The following SRD5A2 variants were observed in gnomAD, a reference collection of about 807,000 sequenced individuals.
The protein encoded by SRD5A2 is 3-oxo-5-alpha-steroid 4-dehydrogenase 2.
Under a neutral mutation model 27.4 loss-of-function variants are expected in SRD5A2, and 30 were observed. The observed-to-expected ratio is 1.10, with a 90% confidence interval of 0.82 to 1.49. The LOEUF is 1.49. Among genes scored for constraint, SRD5A2 ranks in the 40% most tolerant of loss-of-function variants. The pLI, the probability that SRD5A2 is intolerant of heterozygous loss-of-function variation, is 0.00. For synonymous variants in SRD5A2, 141 were observed against 133.6 expected (o/e 1.06, Z -0.38); for missense variants, 348 against 323.4 (o/e 1.08, Z -0.58).
At chr2:31,634,636 T>A in the SRD5A2 span, among the ~76,000 whole-genome samples, 2 of 152,270 alleles carry the variant, frequency 1.3e-5, no homozygotes, top group South Asian at 2.1e-4. Flanking sequence ...GGGTACAGTT[T>A]AGTGGTAATA....
At chr2:31,633,359 T>C in the SRD5A2 span, among the ~76,000 whole-genome samples, 1 of 152,182 alleles carries the variant, frequency 6.6e-6, no homozygotes, top group East Asian at 1.9e-4. Flanking sequence ...CAAATTATTA[T>C]TTACTGGACC....
chr2:31,546,340 C>T (rs1666255067), intron 1 of SRD5A2, among the ~76,000 whole-genome samples: 1 of 152,118 alleles, frequency 6.6e-6, no homozygotes, highest in Non-Finnish European at 1.5e-5. Flanking sequence ...CAATATAGTA[C>T]TGGCATATAG....
At chr2:31,592,696 A>G in the SRD5A2 span, among the ~76,000 whole-genome samples, 1 of 152,200 alleles carries the variant, frequency 6.6e-6, no homozygotes, top group Admixed American at 6.5e-5. Context: ...AAATAATCTG[A>G]ACAGCAGGCC....
At chr2:31,568,417 G>C (rs1666780852) in intron 1 of SRD5A2, among the ~76,000 whole-genome samples, 1 of 152,214 alleles carries the variant, frequency 6.6e-6, no homozygotes, top group South Asian at 2.1e-4. Context: ...GAGTGACAGA[G>C]AGGCTCTCGG....
chr2:31,526,264 T>G lies in SRD5A2; in HGVS notation c.699-2A>C. On this transcript the variant is annotated splice_acceptor_variant, in intron 4 of 4. Coordinates refer to ENST00000622030, the MANE Select transcript of SRD5A2 (RefSeq NM_000348.4). LOFTEE classifies it high-confidence loss of function. ...TCCTCAAACATCTTGAGGTAGAACC[T>G]AAAAGACAAGAAAGGAATAATTGTA... 1 of 1,567,748 alleles carries G rather than the reference T, an allele frequency of 6.4e-7. No homozygotes were observed. Among genetic ancestry groups the G allele is most frequent in the Non-Finnish European group, 8.7e-7 (1 of 1,150,564 alleles).
chr2:31,557,210 A>G (rs2268796), intron 1 of SRD5A2, among the ~76,000 whole-genome samples: 78,269 of 152,064 alleles, frequency 0.51, 20,764 homozygotes, highest in Non-Finnish European at 0.58. Flanking sequence ...TAGAAATATT[A>G]AAGGGGAGGA....
In SRD5A2 at chr2:31,531,320, T is replaced by C. The variant is rs931775720; in HGVS notation, c.547+51A>G. 15 of 1,354,476 alleles carry C rather than the reference T, an allele frequency of 1.1e-5. No homozygotes were observed. In the East Asian group the frequency reaches 2.7e-4, roughly 25 times the overall value. The allele number at this position is 1,354,476 out of a possible 1,614,324, so 83.9% of individuals were successfully genotyped here. ...CCATCTGCTACCATAGCATCATCCC[T>C]GGGACAGGCTCCAGGGAAGAGTGAG... On this transcript the variant is annotated intron_variant, in intron 3 of 4. Coordinates refer to ENST00000622030, the MANE Select transcript of SRD5A2 (RefSeq NM_000348.4).
chr2:31,529,612 G>C (rs987107077), intron 3 of SRD5A2, among the ~76,000 whole-genome samples, 155 bp from the exon 4 acceptor site: 4 of 152,150 alleles, frequency 2.6e-5, no homozygotes, highest in African/African-American at 9.7e-5. Flanking sequence ...AATCCTCTTG[G>C]GGAGAAGGGG....
At position 31,526,198 on chromosome 2, in the gene SRD5A2, A is replaced by G. The variant is rs1247742181; in HGVS notation, c.763T>C (p.Ter255GlnextTer28). The change falls in exon 5 of 5, where the codon TAA becomes CAA. Residue 255 changes from the stop codon to glutamine (Q), a stop_lost. Coordinates refer to ENST00000622030, the MANE Select transcript of SRD5A2 (RefSeq NM_000348.4). ...TGCTCCTTTTTAATTTGGTTCCTTT[A>G]AAAGATGAATGGAATAAGGGCTTTC... ...SRKALIPFIF[*>Q] The G allele has an allele frequency of 3.8e-6, 6 of 1,578,022 alleles. No homozygotes were observed. Among genetic ancestry groups the G allele is most frequent in the Non-Finnish European group, 5.2e-6 (6 of 1,158,866 alleles).
chr2:31,625,492 AGG>A, the SRD5A2 span, among the ~76,000 whole-genome samples: 1 of 152,142 alleles, frequency 6.6e-6, no homozygotes, highest in South Asian at 2.1e-4. Context: ...TTATGGTTTT[AGG>A]TCTAACATTT....
chr2:31,570,510 T>C (rs1346821289), intron 1 of SRD5A2, among the ~76,000 whole-genome samples: 1 of 152,122 alleles, frequency 6.6e-6, no homozygotes, highest in Non-Finnish European at 1.5e-5. Context: ...AACATAGTAC[T>C]GGAAATCCTG....
intron 1 of SRD5A2, among the ~76,000 whole-genome samples, chr2:31,545,292 G>A (rs1666220813): frequency 6.6e-6 from 1 of 151,942 alleles, no homozygotes; most frequent in African/African-American, 2.4e-5. Context: ...AAATTATAGA[G>A]CAGTATTTTT....
the SRD5A2 span, among the ~76,000 whole-genome samples, chr2:31,634,318 A>G: frequency 6.6e-6 from 1 of 152,192 alleles, no homozygotes; most frequent in Non-Finnish European, 1.5e-5. Flanking sequence ...AAAGAAAGAA[A>G]AAAGGTTTAA....
chr2:31,525,759 C>T lies in SRD5A2; in HGVS notation c.*437G>A. On this transcript the variant is annotated 3_prime_UTR_variant, in exon 5 of 5. Transcript: ENST00000622030. Reference sequence around the variant, plus strand: ...CTTTGTGGCTTCAGAGTTTAAATTTCTGCTACTCTGTTACATGTATAAAAT... The same window carrying T: ...CTTTGTGGCTTCAGAGTTTAAATTTTTGCTACTCTGTTACATGTATAAAAT... 8.7e-6 allele frequency: 2 copies of T among 228,908 alleles called. No individual in the cohort carries two copies. The highest frequency in any genetic ancestry group is 1.7e-5 in the Non-Finnish European group (2 of 115,556). 14.2% of individuals were successfully genotyped at this position (228,908 alleles called of 1,614,324 possible).
At chr2:31,583,680 A>G (rs1334217298), upstream of SRD5A2, among the ~76,000 whole-genome samples, 1 of 145,524 alleles carries the variant, frequency 6.9e-6, no homozygotes, top group East Asian at 2.0e-4. Flanking sequence ...AAAAAACACC[A>G]CTACCCTGAC....
chr2:31,601,012 G>T, the SRD5A2 span, among the ~76,000 whole-genome samples: 1 of 151,726 alleles, frequency 6.6e-6, no homozygotes, highest in Non-Finnish European at 1.5e-5. Flanking sequence ...ACAACTAAAA[G>T]AACTAGAGAA....
the SRD5A2 span, among the ~76,000 whole-genome samples, chr2:31,611,086 G>A: frequency 6.6e-6 from 1 of 152,048 alleles, no homozygotes; most frequent in African/African-American, 2.4e-5. Context: ...TCTAGCCTAG[G>A]TGACAGAGCA....
At chr2:31,590,780 T>C in the SRD5A2 span, among the ~76,000 whole-genome samples, 4 of 152,136 alleles carry the variant, frequency 2.6e-5, no homozygotes, top group Non-Finnish European at 4.4e-5. Context: ...ATGCCACATA[T>C]ATATAACTAT....
At chr2:31,565,233 T>TA (rs1459859585) in intron 1 of SRD5A2, among the ~76,000 whole-genome samples, 1 of 151,552 alleles carries the variant, frequency 6.6e-6, no homozygotes, top group Non-Finnish European at 1.5e-5. Flanking sequence ...TAAATTGAAA[T>TA]AAAATAATAC....
Sources: gnomAD v4.1 joint callset for allele counts (sites outside exome capture counted in the v4.1 genomes callset) on GRCh38, gnomAD v4.1.1 for gene constraint, MANE v1.5 for transcripts, NCBI Gene and HGNC (gene_info 2026-07-23, HGNC 2026-07-21) for gene names.